PSMD4: variants seen among roughly 807,000 people sequenced by gnomAD.
PSMD4 encodes the protein proteasome 26S subunit ubiquitin receptor, non-ATPase 4.
In PSMD4, 5 loss-of-function variants were observed where a neutral mutation model predicts 39.7. That is an observed-to-expected ratio of 0.13 (90% CI 0.07 to 0.26). The LOEUF is 0.26. Ranked by LOEUF, PSMD4 falls within the 10% of genes least tolerant of loss-of-function variation. The probability of loss-of-function intolerance (pLI) is 1.00; values close to 1 mark genes in which losing one functional copy is unlikely to be tolerated. For synonymous variants in PSMD4, 143 were observed against 174.6 expected (o/e 0.82, Z 1.43); for missense variants, 272 against 486.1 (o/e 0.56, Z 4.14).
At chr1:151,262,028 A>T in intron 1 of PSMD4, 133 bp from the exon 2 acceptor site, 1 of 863,656 alleles carries the variant, frequency 1.2e-6, no homozygotes. Flanking sequence ...GATCATCTGT[A>T]TATTTAAAAA....
chr1:151,255,440 T>C (rs1693143162), intron 1 of PSMD4, among the ~76,000 whole-genome samples: 1 of 152,222 alleles, frequency 6.6e-6, no homozygotes, highest in South Asian at 2.1e-4. Flanking sequence ...CACGGCTGTC[T>C]GACACAAAGG....
In PSMD4 at chr1:151,264,039, C is replaced by A; in HGVS notation, c.282+11C>A. 2 of 1,543,472 alleles carry A rather than the reference C, an allele frequency of 1.3e-6. No individual in the cohort carries two copies. The highest frequency in any genetic ancestry group is 1.8e-6 in the Non-Finnish European group (2 of 1,131,404). ...ATCCGCGTGGCCCATGTGAGTCCTA[C>A]TGGGTTCCCTGGACCTTTCCTCCCT... is the stretch of plus-strand genomic sequence containing the variant. On this transcript the variant is annotated intron_variant, in intron 3 of 9. Transcript: ENST00000368884.
chr1:151,262,483 C>G, intron 2 of PSMD4, 182 bp downstream of exon 2: 1 of 674,222 alleles, frequency 1.5e-6, no homozygotes, highest in Non-Finnish European at 2.5e-6. Context: ...AGTACGGAAG[C>G]TAAATCTCCT....
chr1:151,257,715 C>CTTTTTTTTTTT (rs71090149), intron 1 of PSMD4, among the ~76,000 whole-genome samples: 6,214 of 87,640 alleles, frequency 0.071, 4 homozygotes, highest in Non-Finnish European at 0.089. Context: ...ACCTGGCTTT[C>CTTTTTTTTTTT]TTTTTTTTTT....
chr1:151,267,097 C>A, intron 9 of PSMD4, 76 bp from the exon 10 acceptor site: 1 of 1,555,326 alleles, frequency 6.4e-7, no homozygotes, highest in Non-Finnish European at 8.9e-7. Context: ...CTGGCAGCGG[C>A]ATGCTCCTGT....
At chr1:151,262,040 G>C in intron 1 of PSMD4, 121 bp from the exon 2 acceptor site, 1 of 1,033,830 alleles carries the variant, frequency 9.7e-7, no homozygotes, top group South Asian at 1.6e-5. Flanking sequence ...ATTTAAAAAA[G>C]AAAAAAAGCT....
At chr1:151,264,574 G>A (rs1418083302) in intron 3 of PSMD4, among the ~76,000 whole-genome samples, 2 of 151,130 alleles carry the variant, frequency 1.3e-5, no homozygotes, top group Non-Finnish European at 2.9e-5. Context: ...TCACGCCACT[G>A]CACTCCAGAC....
rs188212106 is a variant in PSMD4 at position 151,258,633 on chromosome 1, G to T, written c.27-3528G>T. Among the ~76,000 whole-genome samples, 14 of 151,612 alleles carry T rather than the reference G, an allele frequency of 9.2e-5. No homozygotes were observed. The East Asian group carries it at 2.7e-3, about 29-fold the overall frequency. ...TTACCACCATGCCCAGCTATTTTTT[G>T]TATTTTTTGTAGAGATGGGGTTTTG... On this transcript the variant is annotated intron_variant, in intron 1 of 9. Transcript: ENST00000368884.
At chr1:151,256,738 C>G (rs1693183263) in intron 1 of PSMD4, among the ~76,000 whole-genome samples, 1 of 137,890 alleles carries the variant, frequency 7.3e-6, no homozygotes. Flanking sequence ...GTGCCCGGCT[C>G]CTTTGCCCAC....
intron 1 of PSMD4, among the ~76,000 whole-genome samples, chr1:151,257,948 T>G (rs1393469938): frequency 6.6e-6 from 1 of 152,106 alleles, no homozygotes; most frequent in Admixed American, 6.6e-5. Context: ...TTTGATTTAT[T>G]TGAGCGGTAT....
At chr1:151,265,122 C>A in intron 4 of PSMD4, 44 bp from the exon 5 acceptor site, 2 of 1,538,470 alleles carry the variant, frequency 1.3e-6, no homozygotes, top group South Asian at 1.2e-5. Flanking sequence ...TTCCCCCCCT[C>A]GAGTATGGAA....
chr1:151,264,558 CTG>C (rs1693384270), intron 3 of PSMD4, among the ~76,000 whole-genome samples: 1 of 151,224 alleles, frequency 6.6e-6, no homozygotes. Context: ...TTGCAGTGAA[CTG>C]AGATCACGCC....
rs1248188773 is a variant in PSMD4 at position 151,264,687 on chromosome 1, G to A, written c.283-145G>A. 4 of 632,340 alleles carry A rather than the reference G, an allele frequency of 6.3e-6. No individual in the cohort carries two copies. The African/African-American group carries it at 7.3e-5, about 12-fold the overall frequency. 39.2% of individuals were successfully genotyped at this position (632,340 alleles called of 1,614,324 possible). On this transcript the variant is annotated intron_variant, in intron 3 of 9. Transcript: ENST00000368884. ...GAGTCATAGCAAAAAGGGAGGAGGT[G>A]GGGGTGTTAAATCTTGTGTGAACGT...
chr1:151,258,048 A>G (rs1693218755), intron 1 of PSMD4, among the ~76,000 whole-genome samples: 1 of 149,820 alleles, frequency 6.7e-6, no homozygotes, highest in Admixed American at 6.7e-5. Flanking sequence ...TTTGAGATGG[A>G]GTCTCGCTTT....
intron 8 of PSMD4, 31 bp from the exon 9 acceptor site, chr1:151,266,489 G>T: frequency 6.2e-7 from 1 of 1,614,228 alleles, no homozygotes; most frequent in Middle Eastern, 1.6e-4. Flanking sequence ...GTGAGGAAGT[G>T]TAACTGAACA....
At chr1:151,266,610 T>C in intron 9 of PSMD4, 23 bp downstream of exon 9, 1 of 1,612,976 alleles carries the variant, frequency 6.2e-7, no homozygotes, top group African/African-American at 1.3e-5. Context: ...CCTGCCCCCA[T>C]CAGGTTTAAA....
intron 4 of PSMD4, 50 bp from the exon 5 acceptor site, chr1:151,265,116 C>G (rs1693398888): frequency 2.0e-6 from 3 of 1,521,638 alleles, no homozygotes; most frequent in Non-Finnish European, 1.8e-6. Flanking sequence ...GGTCCTTTCC[C>G]CCCCTCGAGT....
At chr1:151,262,677 A>G (rs185693209) in intron 2 of PSMD4, 110 of 204,220 alleles carry the variant, frequency 5.4e-4, no homozygotes, top group African/African-American at 2.3e-3. Context: ...TCTACTAAAA[A>G]TACAAAAATT....
At chr1:151,262,018 G>A in intron 1 of PSMD4, 143 bp from the exon 2 acceptor site, 1 of 743,312 alleles carries the variant, frequency 1.3e-6, no homozygotes, top group South Asian at 1.9e-5. Context: ...GCTAAGGCTT[G>A]ATCATCTGTA....
Sources: gnomAD v4.1 joint callset for allele counts (sites outside exome capture counted in the v4.1 genomes callset) on GRCh38, gnomAD v4.1.1 for gene constraint, MANE v1.5 for transcripts, NCBI Gene and HGNC (gene_info 2026-07-23, HGNC 2026-07-21) for gene names.